Variants in AFG3L2 observed in about 807,000 individuals in gnomAD.
The protein encoded by AFG3L2 is AFG3 like matrix AAA peptidase subunit 2, also known as mitochondrial inner membrane m-AAA protease component AFG3L2.
In AFG3L2, 54 loss-of-function variants were observed where a neutral mutation model predicts 94.5. The observed-to-expected ratio is 0.57, with a 90% confidence interval of 0.46 to 0.72. The LOEUF is 0.72. AFG3L2 is among the 30% of genes least tolerant of loss of function. The pLI is 0.00. For synonymous variants in AFG3L2, 377 were observed against 365.5 expected, an observed-to-expected ratio of 1.03 and a Z score of -0.36; for missense variants, 754 against 994.9, an observed-to-expected ratio of 0.76 and a Z score of 3.26.
At chr18:12,342,235 T>C (rs1057289784) in intron 14 of AFG3L2, 1 of 152,180 alleles carries the variant, frequency 6.6e-6, no homozygotes, top group Non-Finnish European at 1.5e-5. Context: ...CAATGAAGAC[T>C]GTCTCTTCTT....
At chr18:12,337,187 C>T (rs1382050111) in intron 16 of AFG3L2, 154 bp downstream of exon 16, 13 of 724,294 alleles carry the variant, frequency 1.8e-5, no homozygotes, top group Non-Finnish European at 3.0e-5. Flanking sequence ...CGCTTGAAGA[C>T]AGAGCAGACA....
chr18:12,344,175 G>A lies in AFG3L2; in HGVS notation c.1736C>T (p.Ala579Val), dbSNP rs551042055. 5.1e-5 allele frequency: 82 copies of A among 1,613,986 alleles called. No homozygotes were observed. Among genetic ancestry groups the A allele is most frequent in the East Asian group, 8.9e-5 (4 of 44,886 alleles). The change falls in exon 14 of 17, where the codon GCG (alanine) becomes GTG (valine). Residue 579 changes from alanine (A) to valine (V), a missense_variant. Coordinates refer to ENST00000269143, the MANE Select transcript of AFG3L2 (RefSeq NM_006796.3). ...GTGCTCCAGATACCAGCCGGCAACC[G>A]CATGGCCTGCTTCGTGGTATGCCAC... ...KTVAYHEAGH[A>V]VAGWYLEHAD...
chr18:12,356,872 C>T (rs1487972931), intron 8 of AFG3L2, 41 bp from the exon 9 acceptor site: 6 of 1,598,996 alleles, frequency 3.8e-6, no homozygotes, highest in Admixed American at 1.7e-5. Context: ...ATGAGAATTC[C>T]AGAAAAGTAA....
chr18:12,332,837 C>T (rs111439987), intron 16 of AFG3L2, among the ~76,000 whole-genome samples: 4 of 15,100 alleles, frequency 2.6e-4, no homozygotes, highest in African/African-American at 1.8e-3. Context: ...TTTGCTTATA[C>T]ACACACACAC....
intron 16 of AFG3L2, among the ~76,000 whole-genome samples, chr18:12,330,073 G>A (rs934050842): frequency 7.2e-5 from 11 of 152,218 alleles, no homozygotes; most frequent in African/African-American, 1.2e-4. Context: ...GGTAGCTCGC[G>A]CCTGTAATCC....
At chr18:12,351,443 TA>T (rs1179535611) in intron 10 of AFG3L2, 30 bp from the exon 11 acceptor site, 1 of 1,596,616 alleles carries the variant, frequency 6.3e-7, no homozygotes, top group Non-Finnish European at 8.6e-7. Flanking sequence ...CAAACACTAT[TA>T]AATGACAAGA....
rs2143254720 is a variant in AFG3L2 at position 12,377,126 on chromosome 18, C to G, written c.-44G>C. The G allele has an allele frequency of 1.5e-6, 2 of 1,329,670 alleles. No individual in the cohort carries two copies. Among genetic ancestry groups the G allele is most frequent in the South Asian group, 1.5e-5 (1 of 64,874 alleles). The allele number at this position is 1,329,670 out of a possible 1,614,324, so 82.4% of individuals were successfully genotyped here. A position where few individuals can be genotyped will look rare whatever the true frequency, so the allele number is the denominator to read the frequency against. Reference sequence around the variant, plus strand: ...CTCGGCCCGGGACGCTGCGCAGGCGCGGGCAGGCGACGACTGGCGGCCTCG... The same window carrying G: ...CTCGGCCCGGGACGCTGCGCAGGCGGGGGCAGGCGACGACTGGCGGCCTCG... On this transcript the variant is annotated 5_prime_UTR_variant, in exon 1 of 17. Coordinates refer to ENST00000269143, the MANE Select transcript of AFG3L2 (RefSeq NM_006796.3).
At chr18:12,363,347 A>G (rs949231062) in intron 6 of AFG3L2, among the ~76,000 whole-genome samples, 1 of 152,226 alleles carries the variant, frequency 6.6e-6, no homozygotes, top group Admixed American at 6.5e-5. Flanking sequence ...TCAAATGGAA[A>G]TTAAAACAAT....
chr18:12,370,711 G>A (rs1908957632), intron 3 of AFG3L2, 138 bp downstream of exon 3: 1 of 635,474 alleles, frequency 1.6e-6, no homozygotes, highest in Non-Finnish European at 2.9e-6. Context: ...CACCCGCCTA[G>A]GCCTCCCAAA....
intron 6 of AFG3L2, among the ~76,000 whole-genome samples, chr18:12,361,375 G>A (rs948675397): frequency 3.9e-5 from 6 of 152,058 alleles, no homozygotes; most frequent in Non-Finnish European, 7.4e-5. Context: ...AAGGCCGGGT[G>A]CAGTGGCTCA....
intron 16 of AFG3L2, among the ~76,000 whole-genome samples, chr18:12,333,049 T>TATAACTAC (rs1907611392): frequency 2.3e-5 from 1 of 43,690 alleles, no homozygotes; most frequent in Non-Finnish European, 4.4e-5. Context: ...TAATCTATTA[T>TATAACTAC]ATAATAGATT....
intron 16 of AFG3L2, among the ~76,000 whole-genome samples, chr18:12,334,034 C>T (rs1907667866): frequency 6.6e-6 from 1 of 151,964 alleles, no homozygotes; most frequent in South Asian, 2.1e-4. Flanking sequence ...CAGAAAGGAA[C>T]CCTCAGGCAG....
At chr18:12,338,394 C>G (rs1487041332) in intron 15 of AFG3L2, among the ~76,000 whole-genome samples, 2 of 152,168 alleles carry the variant, frequency 1.3e-5, no homozygotes, top group Non-Finnish European at 2.9e-5. Flanking sequence ...AACTGCATTT[C>G]CCCGTTCACT....
intron 1 of AFG3L2, among the ~76,000 whole-genome samples, chr18:12,375,238 T>C (rs1194940284): frequency 3.4e-5 from 5 of 148,550 alleles, no homozygotes; most frequent in Admixed American, 6.7e-5. Flanking sequence ...GGCACTATTA[T>C]TCCCCCTCCC....
At chr18:12,336,643 A>C (rs1207807130) in intron 16 of AFG3L2, among the ~76,000 whole-genome samples, 1 of 152,238 alleles carries the variant, frequency 6.6e-6, no homozygotes, top group East Asian at 1.9e-4. Context: ...CAGGCAAAAT[A>C]AATCTATTAG....
chr18:12,355,760 C>T (rs924802063), intron 9 of AFG3L2, among the ~76,000 whole-genome samples: 4 of 151,868 alleles, frequency 2.6e-5, no homozygotes, highest in Admixed American at 6.6e-5. Context: ...GCTCTGCCTC[C>T]CAGGTTCACG....
intron 16 of AFG3L2, chr18:12,337,138 C>CG (rs1171734446): frequency 1.3e-5 from 8 of 631,272 alleles, no homozygotes; most frequent in Non-Finnish European, 2.0e-5. Flanking sequence ...CCACAGGAGC[C>CG]GGGACAGTGT....
intron 13 of AFG3L2, among the ~76,000 whole-genome samples, chr18:12,345,869 A>C (rs1327748692): frequency 6.6e-6 from 1 of 152,220 alleles, no homozygotes; most frequent in Non-Finnish European, 1.5e-5. Context: ...AAATTTATAG[A>C]ATAAAAGGGC....
At chr18:12,376,921 T>C in intron 1 of AFG3L2, 48 bp downstream of exon 1, 2 of 1,326,732 alleles carry the variant, frequency 1.5e-6, no homozygotes, top group South Asian at 1.6e-5. Flanking sequence ...GAGCCGGAAG[T>C]GGGCCCGAGG....
Sources: allele counts gnomAD v4.1 joint callset (sites outside exome capture counted in the v4.1 genomes callset), GRCh38; gene constraint gnomAD v4.1.1; transcripts MANE v1.5; gene names NCBI Gene and HGNC (gene_info 2026-07-23, HGNC 2026-07-21).